SLC25A21: variants seen among roughly 807,000 people sequenced by gnomAD.
SLC25A21 encodes the protein solute carrier family 25 member 21, also known as mitochondrial 2-oxodicarboxylate carrier.
Under a neutral mutation model 43.8 loss-of-function variants are expected in SLC25A21, and 47 were observed. That is an observed-to-expected ratio of 1.07 (90% CI 0.85 to 1.37). SLC25A21 has a LOEUF of 1.37. SLC25A21 is among the 40% of genes most tolerant of loss of function. The probability of loss-of-function intolerance (pLI) is 0.00; values close to 1 mark genes in which losing one functional copy is unlikely to be tolerated. For missense variants in SLC25A21, 352 were observed against 350.2 expected, an observed-to-expected ratio of 1.00 and a Z score of -0.04; for synonymous variants, 131 against 121.3, an observed-to-expected ratio of 1.08 and a Z score of -0.52.
At chr14:36,766,620 A>G (rs1392370296) in intron 3 of SLC25A21, among the ~76,000 whole-genome samples, 1 of 152,084 alleles carries the variant, frequency 6.6e-6, no homozygotes, top group Non-Finnish European at 1.5e-5. Flanking sequence ...CTCTTTGAAC[A>G]TGCCCCGTGC....
chr14:36,962,603 C>A (rs753621978), intron 1 of SLC25A21, among the ~76,000 whole-genome samples: 2 of 152,100 alleles, frequency 1.3e-5, no homozygotes, highest in African/African-American at 4.8e-5. Flanking sequence ...GCTTATTTCG[C>A]TTAGCATAAT....
chr14:37,048,670 T>A (rs1174387281), intron 1 of SLC25A21, among the ~76,000 whole-genome samples: 1 of 152,130 alleles, frequency 6.6e-6, no homozygotes, highest in Non-Finnish European at 1.5e-5. Flanking sequence ...ACTCTGGTGT[T>A]AAAGAGAAAG....
At chr14:36,718,938 A>G (rs1163190031) in intron 6 of SLC25A21, among the ~76,000 whole-genome samples, 1 of 152,202 alleles carries the variant, frequency 6.6e-6, no homozygotes, top group Non-Finnish European at 1.5e-5. Context: ...GTTTAGGTTC[A>G]TATTTGGGGT....
chr14:36,805,168 G>A (rs540328559), intron 3 of SLC25A21, among the ~76,000 whole-genome samples: 1 of 152,296 alleles, frequency 6.6e-6, no homozygotes, highest in East Asian at 1.9e-4. Flanking sequence ...GAGGGAGGCT[G>A]TGTTTGGTCT....
At chr14:36,790,556 A>ATGT (rs1887449936) in intron 3 of SLC25A21, among the ~76,000 whole-genome samples, 1 of 152,148 alleles carries the variant, frequency 6.6e-6, no homozygotes, top group South Asian at 2.1e-4. Context: ...AATACTCAAA[A>ATGT]TGTTCTCTGT....
At chr14:36,872,403 G>T (rs1890399718) in intron 2 of SLC25A21, among the ~76,000 whole-genome samples, 1 of 152,096 alleles carries the variant, frequency 6.6e-6, no homozygotes, top group South Asian at 2.1e-4. Flanking sequence ...CCCTGGGTAT[G>T]AATTTGTTTC....
intron 1 of SLC25A21, among the ~76,000 whole-genome samples, chr14:37,141,238 G>A (rs887677165): frequency 6.6e-6 from 1 of 152,104 alleles, no homozygotes; most frequent in African/African-American, 2.4e-5. Flanking sequence ...TAATACAACT[G>A]AGCAACTGAG....
Position 36,714,622 on chromosome 14 carries a change from C to T in SLC25A21, c.439-3140G>A, listed in dbSNP as rs184819029. On this transcript the variant is annotated intron_variant, in intron 6 of 9. Coordinates refer to ENST00000331299, the MANE Select transcript of SLC25A21 (RefSeq NM_030631.4). ...GGGCTTCCCCCTCTATATGGCTTTC[C>T]AGCCTAGAAAACACATTTGTATACG... 7.9e-4 allele frequency among the ~76,000 whole-genome samples: 121 copies of T among 152,344 alleles called. No individual in the cohort carries two copies. In the Middle Eastern group the frequency reaches 0.017, roughly 21 times the overall value.
At chr14:36,995,286 A>T (rs2138717820) in intron 1 of SLC25A21, among the ~76,000 whole-genome samples, 1 of 152,278 alleles carries the variant, frequency 6.6e-6, no homozygotes, top group African/African-American at 2.4e-5. Flanking sequence ...TAAATTATTC[A>T]TTTGTGAATC....
At chr14:37,026,283 G>A (rs1011665975) in intron 1 of SLC25A21, among the ~76,000 whole-genome samples, 3 of 152,074 alleles carry the variant, frequency 2.0e-5, no homozygotes, top group African/African-American at 4.8e-5. Context: ...GGCTAGACAA[G>A]GTAGAGACAT....
At chr14:37,017,637 G>T (rs111583804) in intron 1 of SLC25A21, among the ~76,000 whole-genome samples, 1 of 152,142 alleles carries the variant, frequency 6.6e-6, no homozygotes, top group East Asian at 1.9e-4. Flanking sequence ...GTAAAAAAAC[G>T]CAGTATCTGC....
chr14:36,683,243 G>A (rs891768945), intron 9 of SLC25A21, among the ~76,000 whole-genome samples: 12 of 152,190 alleles, frequency 7.9e-5, no homozygotes, highest in African/African-American at 2.4e-4. Context: ...AATGGCAGCC[G>A]GTTTTTTTGT....
At chr14:37,073,781 T>G (rs1029181479) in intron 1 of SLC25A21, among the ~76,000 whole-genome samples, 1 of 152,304 alleles carries the variant, frequency 6.6e-6, no homozygotes, top group African/African-American at 2.4e-5. Flanking sequence ...GATCAAATGC[T>G]GACTTACCTA....
chr14:36,849,606 G>C (rs1438886969), intron 2 of SLC25A21, among the ~76,000 whole-genome samples: 6 of 152,098 alleles, frequency 3.9e-5, no homozygotes, highest in Non-Finnish European at 8.8e-5. Context: ...TTGTCTATCA[G>C]ACACAAAATG....
At chr14:37,083,940 C>T (rs547352664) in intron 1 of SLC25A21, among the ~76,000 whole-genome samples, 3 of 152,276 alleles carry the variant, frequency 2.0e-5, no homozygotes, top group Admixed American at 6.5e-5. Flanking sequence ...CCATCATCAC[C>T]GTTGACTTTT....
intron 1 of SLC25A21, among the ~76,000 whole-genome samples, chr14:37,135,941 T>C (rs1477272723): frequency 2.0e-5 from 3 of 152,230 alleles, no homozygotes; most frequent in Non-Finnish European, 2.9e-5. Context: ...GTATGTATTA[T>C]GATAGTAACT....
chr14:36,753,705 G>A (rs1466458996), intron 3 of SLC25A21, among the ~76,000 whole-genome samples: 1 of 152,144 alleles, frequency 6.6e-6, no homozygotes, highest in African/African-American at 2.4e-5. Flanking sequence ...TCCACCAGAA[G>A]CAAAGCCAAT....
intron 1 of SLC25A21, among the ~76,000 whole-genome samples, chr14:37,149,443 C>CT (rs1173814800): frequency 6.6e-6 from 1 of 151,958 alleles, no homozygotes; most frequent in African/African-American, 2.4e-5. Context: ...CTAAAAACTG[C>CT]TCCATCAAAA....
intron 1 of SLC25A21, among the ~76,000 whole-genome samples, chr14:36,898,075 A>G (rs1891294764): frequency 6.6e-6 from 1 of 152,200 alleles, no homozygotes. Flanking sequence ...AGACAGGGAC[A>G]TTTAAGTCTG....
Sources: allele counts gnomAD v4.1 joint callset (sites outside exome capture counted in the v4.1 genomes callset), GRCh38; gene constraint gnomAD v4.1.1; transcripts MANE v1.5; gene names NCBI Gene and HGNC (gene_info 2026-07-23, HGNC 2026-07-21).